Variants in SCN8A observed in about 807,000 individuals in gnomAD.
SCN8A encodes sodium voltage-gated channel alpha subunit 8.
Under a neutral mutation model 184.1 loss-of-function variants are expected in SCN8A, and 30 were observed. The ratio of observed to expected loss-of-function variants is 0.16; its 90% CI spans 0.12 to 0.22. The LOEUF (loss-of-function observed/expected upper bound fraction) is 0.22, where lower values mean the gene tolerates loss of function less well. SCN8A is among the 10% of genes least tolerant of loss of function. SCN8A has a pLI of 1.00. For synonymous variants in SCN8A, 852 were observed against 907.0 expected (o/e 0.94, Z 1.09); for missense variants, 1,057 against 2,498.9 (o/e 0.42, Z 12.30).
rs371226827 is a variant in SCN8A, at chr12:51,684,310, T to C, written c.395+18T>C. ...ATACATTCATATCCTTTTCGGCAAA[T>C]GTGGAGTGAGTGCGGCAATTGCATG... is the stretch of plus-strand genomic sequence containing the variant. On this transcript the variant is annotated intron_variant, in intron 3 of 26. Transcript: ENST00000627620. 8.4e-7 allele frequency: 1 copy of C among 1,190,130 alleles called. No individual in the cohort carries two copies. The highest frequency in any genetic ancestry group is 2.3e-5 in the East Asian group (1 of 42,974). 73.7% of individuals were successfully genotyped at this position (1,190,130 alleles called of 1,614,324 possible).
intron 2 of SCN8A, among the ~76,000 whole-genome samples, chr12:51,664,638 CT>C (rs1436513825): frequency 6.6e-6 from 1 of 152,192 alleles, no homozygotes; most frequent in Non-Finnish European, 1.5e-5. Context: ...CTTCATCTCT[CT>C]GGACCTAAAC....
At chr12:51,768,147 G>A (rs891010809) in intron 16 of SCN8A, 1 of 152,106 alleles carries the variant, frequency 6.6e-6, no homozygotes, top group Non-Finnish European at 1.5e-5. Flanking sequence ...AAATCAAGAA[G>A]TGAGCACCTC....
chr12:51,599,993 C>T (rs1939430270), intron 1 of SCN8A, among the ~76,000 whole-genome samples: 2 of 152,134 alleles, frequency 1.3e-5, no homozygotes, highest in South Asian at 4.2e-4. Flanking sequence ...GAAGTATGTT[C>T]TGTAATCCAT....
At position 51,769,330 on chromosome 12, in the gene SCN8A, A is replaced by G; in HGVS notation, c.3367A>G (p.Lys1123Glu). 1 of 1,582,000 alleles carries G rather than the reference A, an allele frequency of 6.3e-7. No homozygotes were observed. Residue 1123 changes from lysine to glutamate, a missense_variant, in exon 17 of 27, where the codon AAA (lysine) becomes GAA (glutamate). By Grantham distance (56) the Lys-to-Glu change is moderately conservative. Around this residue, in one of 19 missense-constraint regions of SCN8A, gnomAD observed 178 missense variants for 259.6 expected, o/e 0.69. Transcript: ENST00000627620. ...VSSESDPEGSKDKLDDTSSSE... is the reference protein window; with the variant it reads ...VSSESDPEGSEDKLDDTSSSE... ...CAGCGAGTCGGATCCTGAAGGCAGC[A>G]AAGATGTAAGGTCCCAGCCTAGAAA...
chr12:51,679,721 C>CGTTTTTTTTT (rs1941293157), intron 2 of SCN8A, among the ~76,000 whole-genome samples: 1 of 85,510 alleles, frequency 1.2e-5, no homozygotes, highest in African/African-American at 4.5e-5. Flanking sequence ...ACTATCTTGC[C>CGTTTTTTTTT]TTTTTTTTTT....
intron 24 of SCN8A, 26 bp from the exon 25 acceptor site, chr12:51,790,372 G>A (rs1050370978): frequency 4.5e-6 from 7 of 1,539,558 alleles, no homozygotes; most frequent in South Asian, 1.2e-5. Flanking sequence ...AGTTGTAATT[G>A]TCTGTTTTCT....
rs189371225 is a variant in SCN8A at position 51,797,814 on chromosome 12, A to G, written c.4795+3173A>G. On this transcript the variant is annotated intron_variant, in intron 26 of 26. Transcript: ENST00000627620. ...AGACTGTTGACTTAGAGGTAGCCCA[A>G]AGTGGCTAGGTGGCCATCTTAACTT... 5.6e-3 allele frequency among the ~76,000 whole-genome samples: 854 copies of G among 152,346 alleles called. 6 individuals are homozygous for G. The highest frequency in any genetic ancestry group is 0.012 in the Admixed American group (178 of 15,298).
At chr12:51,742,655 T>G (rs773738209) in intron 12 of SCN8A, among the ~76,000 whole-genome samples, 2 of 151,996 alleles carry the variant, frequency 1.3e-5, no homozygotes, top group African/African-American at 2.4e-5. Flanking sequence ...GGGAGTTTTG[T>G]TATTAGATGC....
intron 22 of SCN8A, among the ~76,000 whole-genome samples, chr12:51,788,287 CTTTTT>C (rs66672221): frequency 3.6e-5 from 3 of 84,006 alleles, no homozygotes; most frequent in Non-Finnish European, 4.3e-5. Flanking sequence ...CGCTTAACAC[CTTTTT>C]TTTTTTTTTT....
chr12:51,692,772 G>C (rs983043243), intron 6 of SCN8A, among the ~76,000 whole-genome samples: 3 of 152,188 alleles, frequency 2.0e-5, no homozygotes, highest in Admixed American at 2.0e-4. Context: ...ATGTGCCACA[G>C]GGCTGACATG....
At chr12:51,790,342 C>CTGGA in intron 24 of SCN8A, 56 bp from the exon 25 acceptor site, 1 of 1,285,290 alleles carries the variant, frequency 7.8e-7, no homozygotes, top group Middle Eastern at 1.9e-4. Context: ...TAGGTCCAAA[C>CTGGA]CCATAGCATG....
chr12:51,806,243 C>CAAT lies in SCN8A; in HGVS notation c.4796-39_4796-38insAAT. 6.7e-7 allele frequency: 1 copy of CAAT among 1,490,642 alleles called. No individual in the cohort carries two copies. Among genetic ancestry groups the CAAT allele is most frequent in the Non-Finnish European group, 8.9e-7 (1 of 1,119,058 alleles). 92.3% of individuals were successfully genotyped at this position (1,490,642 alleles called of 1,614,324 possible). A position where few individuals can be genotyped will look rare whatever the true frequency, so the allele number is the denominator to read the frequency against. ...AAAAAATAAAGAGAAAGGGTGTCTC[C>CAAT]CATCTCAATAACATAACTTCTTCTA... On this transcript the variant is annotated intron_variant, in intron 26 of 26. Coordinates refer to ENST00000627620, the MANE Select transcript of SCN8A (RefSeq NM_001330260.2). The surrounding 1 kb of genome is among the most constrained non-coding windows in gnomAD (Gnocchi z 8.7).
intron 24 of SCN8A, among the ~76,000 whole-genome samples, chr12:51,789,992 T>G (rs1481228613): frequency 6.6e-6 from 1 of 152,236 alleles, no homozygotes; most frequent in East Asian, 1.9e-4. Flanking sequence ...TTGGGTATCA[T>G]CTAAAATAAA....
chr12:51,734,040 T>C (rs1942284426), intron 12 of SCN8A, among the ~76,000 whole-genome samples: 1 of 152,238 alleles, frequency 6.6e-6, no homozygotes, highest in Non-Finnish European at 1.5e-5. Flanking sequence ...GTTTCATTGA[T>C]CTTTTGTATT....
chr12:51,766,972 C>G (rs1359883466), intron 16 of SCN8A, among the ~76,000 whole-genome samples: 2 of 152,150 alleles, frequency 1.3e-5, no homozygotes, highest in Non-Finnish European at 2.9e-5. Context: ...CATGCTCATC[C>G]ACATTAGTTC....
chr12:51,701,074 A>G lies in SCN8A; in HGVS notation c.929-70A>G, dbSNP rs1474632166. On this transcript the variant is annotated intron_variant, in intron 7 of 26. Coordinates refer to ENST00000627620, the MANE Select transcript of SCN8A (RefSeq NM_001330260.2). ...AACTTTCTGCTGGGGCTAGTTAGGAACAGTGTAACCTTATTCTCTCATTCA... is the reference window on the plus strand; with the variant it reads ...AACTTTCTGCTGGGGCTAGTTAGGAGCAGTGTAACCTTATTCTCTCATTCA... 1.2e-5 allele frequency: 12 copies of G among 1,029,356 alleles called. No individual in the cohort carries two copies. The East Asian group carries it at 2.6e-4, about 23-fold the overall frequency. 63.8% of individuals were successfully genotyped at this position (1,029,356 alleles called of 1,614,324 possible). A position where few individuals can be genotyped will look rare whatever the true frequency, so the allele number is the denominator to read the frequency against.
chr12:51,600,245 C>T lies in SCN8A; in HGVS notation c.-55+8886C>T, dbSNP rs1458584975. On this transcript the variant is annotated intron_variant, in intron 1 of 26. Transcript: ENST00000627620. Reference sequence around the variant, plus strand: ...TCATAGACACTTAACTTGTCATTTTCGTTGGCATTCTCAACTCACCTTCAG... The same window carrying T: ...TCATAGACACTTAACTTGTCATTTTTGTTGGCATTCTCAACTCACCTTCAG... 4.6e-5 allele frequency among the ~76,000 whole-genome samples: 7 copies of T among 152,242 alleles called. No individual in the cohort carries two copies. In the South Asian group the frequency reaches 1.0e-3, roughly 23 times the overall value.
At chr12:51,659,685 A>G (rs1265319160) in intron 1 of SCN8A, among the ~76,000 whole-genome samples, 2 of 152,130 alleles carry the variant, frequency 1.3e-5, no homozygotes, top group East Asian at 3.9e-4. Context: ...TGCCTGGTGG[A>G]CTGAGGGCTG....
chr12:51,794,320 C>T, intron 25 of SCN8A, 51 bp from the exon 26 acceptor site: 1 of 1,561,160 alleles, frequency 6.4e-7, no homozygotes, highest in Non-Finnish European at 8.7e-7. Context: ...CATAGGTTGG[C>T]TTGGAAAGGT....
Sources: allele counts gnomAD v4.1 joint callset (sites outside exome capture counted in the v4.1 genomes callset), GRCh38; gene constraint gnomAD v4.1.1; regional missense constraint gnomAD v4.1.1; non-coding constraint Gnocchi (gnomAD v3.1); transcripts MANE v1.5; gene names NCBI Gene and HGNC (gene_info 2026-07-23, HGNC 2026-07-21).